Variants in TDP1 observed in about 807,000 individuals in gnomAD.
The protein encoded by TDP1 is tyr-DNA phosphodiesterase 1.
TDP1 carries 64 observed loss-of-function variants against 81.5 expected under a neutral mutation model. The observed-to-expected ratio is 0.79, with a 90% CI of 0.64 to 0.97. The LOEUF is 0.97. Among genes scored for constraint, TDP1 ranks in the 50% least tolerant of loss-of-function variants. The pLI is 0.00. For missense variants in TDP1, 723 were observed against 743.8 expected (o/e 0.97, Z 0.33); for synonymous variants, 256 against 264.3 (o/e 0.97, Z 0.30).
intron 15 of TDP1, among the ~76,000 whole-genome samples, chr14:90,031,564 T>C (rs1596705822): frequency 6.6e-6 from 1 of 151,750 alleles, no homozygotes; most frequent in Non-Finnish European, 1.5e-5. Flanking sequence ...GGCTGAGGCA[T>C]GAGAACTGCT....
intron 7 of TDP1, among the ~76,000 whole-genome samples, chr14:89,976,258 A>G (rs995565812): frequency 2.0e-5 from 3 of 151,910 alleles, no homozygotes; most frequent in Admixed American, 1.3e-4. Context: ...GGCACACGCC[A>G]CCATGCCTGG....
chr14:90,002,640 C>T (rs1389731296), intron 14 of TDP1, among the ~76,000 whole-genome samples: 1 of 150,772 alleles, frequency 6.6e-6, no homozygotes, highest in African/African-American at 2.4e-5. Flanking sequence ...GAGGCCAAGG[C>T]GATCGGATCA....
At chr14:90,002,822 A>G (rs1218139616) in intron 14 of TDP1, among the ~76,000 whole-genome samples, 2 of 152,104 alleles carry the variant, frequency 1.3e-5, no homozygotes, top group African/African-American at 2.4e-5. Context: ...GCAGTGAGTC[A>G]TGATGGCACC....
chr14:90,023,121 A>G lies in TDP1; in HGVS notation c.1644+3703A>G, dbSNP rs191132188. ...GAGGAAACAGACACTGGTGATTACA[A>G]TATATGACAACAACTAGGGTGTGGG... On this transcript the variant is annotated intron_variant, in intron 15 of 16. Transcript: ENST00000335725. The G allele has an allele frequency of 4.9e-5, 37 of 748,974 alleles. 1 individual carries two copies. In the Admixed American group the frequency reaches 5.3e-4, roughly 11 times the overall value. The allele number at this position is 748,974 out of a possible 1,614,324, so 46.4% of individuals were successfully genotyped here. A position where few individuals can be genotyped will look rare whatever the true frequency, so the allele number is the denominator to read the frequency against.
intron 14 of TDP1, among the ~76,000 whole-genome samples, chr14:90,006,220 G>T (rs1170109856): frequency 6.6e-6 from 1 of 152,030 alleles, no homozygotes; most frequent in Non-Finnish European, 1.5e-5. Context: ...TTAGTGTTTT[G>T]CTCTTATCTG....
chr14:89,968,129 A>G, intron 5 of TDP1, among the ~76,000 whole-genome samples: 1 of 151,022 alleles, frequency 6.6e-6, no homozygotes, highest in South Asian at 2.1e-4. Context: ...AAATGCTGTT[A>G]AAATTTTTCA....
Position 90,000,306 on chromosome 14 carries a change from T to C in TDP1, c.1541+6823T>C, listed in dbSNP as rs145071179. 2.1e-3 allele frequency among the ~76,000 whole-genome samples: 321 copies of C among 152,322 alleles called. 2 individuals carry two copies. The highest frequency in any genetic ancestry group is 7.3e-3 in the African/African-American group (304 of 41,568). ...TAACCAAATTATGCAAGTGAAACTC[T>C]ATCATATTCACAATTCTGGCTTATC... On this transcript the variant is annotated intron_variant, in intron 14 of 16. Transcript: ENST00000335725.
In TDP1 at chr14:90,043,135, C is replaced by G. The variant is rs1888531344; in HGVS notation, c.1819C>G (p.Pro607Ala). 5.6e-6 allele frequency: 9 copies of G among 1,614,164 alleles called. No individual in the cohort carries two copies. The highest frequency in any genetic ancestry group is 3.3e-5 in the Admixed American group (2 of 60,026). ...APDTHGNMWV[P>A]S ...GGATACGCATGGGAACATGTGGGTGCCCTCCTGAGAATCTTGAGGCACTGT... is the reference window on the plus strand; with the variant it reads ...GGATACGCATGGGAACATGTGGGTGGCCTCCTGAGAATCTTGAGGCACTGT... Residue 607 changes from proline to alanine, a missense_variant, in exon 17 of 17, where the codon CCC becomes GCC. By Grantham distance (27) the Pro-to-Ala change is conservative. Transcript: ENST00000335725.
intron 5 of TDP1, among the ~76,000 whole-genome samples, chr14:89,968,159 G>GTT: frequency 7.2e-6 from 1 of 139,570 alleles, no homozygotes; most frequent in African/African-American, 2.9e-5. Flanking sequence ...GGCACTTGGG[G>GTT]CTTTTTTTTT....
At chr14:89,976,921 A>G (rs768080144) in intron 7 of TDP1, among the ~76,000 whole-genome samples, 1 of 152,082 alleles carries the variant, frequency 6.6e-6, no homozygotes, top group East Asian at 2.0e-4. Context: ...TGGGAGGCCA[A>G]GGTGGGTGGA....
chr14:90,042,860 T>C (rs1050976440), intron 16 of TDP1: 8 of 985,284 alleles, frequency 8.1e-6, no homozygotes, highest in Non-Finnish European at 9.6e-6. Context: ...AGCCAAACCT[T>C]TTCATTCCCC....
At chr14:90,032,723 A>G (rs1488904781) in intron 15 of TDP1, 1 of 984,738 alleles carries the variant, frequency 1.0e-6, no homozygotes, top group Non-Finnish European at 1.2e-6. Context: ...GCAGCCTGTT[A>G]CTATAGCAAT....
Position 89,963,112 on chromosome 14 carries a change from A to G in TDP1, c.-3A>G, listed in dbSNP as rs886042768. 30 of 1,614,008 alleles carry G rather than the reference A, an allele frequency of 1.9e-5. No homozygotes were observed. The highest frequency in any genetic ancestry group is 2.5e-5 in the Non-Finnish European group (29 of 1,180,030). ...GTTTCCACTTTTCATTTCCAGGAGT[A>G]TAATGTCTCAGGAAGGCGATTATGG... On this transcript the variant is annotated 5_prime_UTR_variant, in exon 3 of 17. Coordinates refer to ENST00000335725, the MANE Select transcript of TDP1 (RefSeq NM_018319.4).
At chr14:89,993,721 C>A (rs1357383358) in intron 14 of TDP1, among the ~76,000 whole-genome samples, 1 of 152,190 alleles carries the variant, frequency 6.6e-6, no homozygotes, top group East Asian at 1.9e-4. Flanking sequence ...ATAAAGTTAA[C>A]ATTTACTTCT....
At chr14:89,962,086 A>G (rs1235654324) in intron 2 of TDP1, among the ~76,000 whole-genome samples, 2 of 152,244 alleles carry the variant, frequency 1.3e-5, no homozygotes, top group Non-Finnish European at 2.9e-5. Flanking sequence ...TCTCAGAACA[A>G]GAAAGTAGAA....
chr14:89,967,142 C>G (rs904309811), intron 4 of TDP1: 43 of 983,342 alleles, frequency 4.4e-5, no homozygotes, highest in Non-Finnish European at 7.2e-6. Context: ...TTCCTGGGAA[C>G]CTGTTATCTC....
At chr14:89,989,333 A>G in intron 11 of TDP1, 1 of 985,402 alleles carries the variant, frequency 1.0e-6, no homozygotes, top group Non-Finnish European at 1.2e-6. Flanking sequence ...CATTGCAGAC[A>G]CAGACTGGCC....
At chr14:89,959,798 CT>C (rs2139909182) in intron 2 of TDP1, among the ~76,000 whole-genome samples, 1 of 152,222 alleles carries the variant, frequency 6.6e-6, no homozygotes, top group African/African-American at 2.4e-5. Flanking sequence ...CACAGAGTTG[CT>C]AAGGATTTTA....
intron 14 of TDP1, among the ~76,000 whole-genome samples, chr14:90,012,731 G>A (rs983219766): frequency 1.2e-4 from 18 of 151,974 alleles, no homozygotes; most frequent in African/African-American, 4.1e-4. Context: ...GTGAGAAGAG[G>A]GCCACCATCC....
Sources: gnomAD v4.1 joint callset for allele counts (sites outside exome capture counted in the v4.1 genomes callset) on GRCh38, gnomAD v4.1.1 for gene constraint, MANE v1.5 for transcripts, NCBI Gene and HGNC (gene_info 2026-07-23, HGNC 2026-07-21) for gene names.